TUBGCP5: variants seen among roughly 807,000 people sequenced by gnomAD.
The protein encoded by TUBGCP5 is gamma-tubulin complex component 5.
In TUBGCP5, 98 loss-of-function variants were observed where a neutral mutation model predicts 134.7. The observed-to-expected ratio is 0.73, with a 90% CI of 0.62 to 0.86. The LOEUF is 0.86. TUBGCP5 is among the 40% of genes least tolerant of loss of function. The pLI is 0.00. For synonymous variants in TUBGCP5, 456 were observed against 431.4 expected (o/e 1.06, Z -0.71); for missense variants, 1,150 against 1,244.8 (o/e 0.92, Z 1.15).
intron 6 of TUBGCP5, 87 bp from the exon 7 acceptor site, chr15:23,027,393 A>C (rs2066040922): frequency 9.6e-7 from 1 of 1,040,718 alleles, no homozygotes. Flanking sequence ...ATTCAAACGT[A>C]TAGTTGAAAA....
chr15:22,988,691 G>C (rs1043688759), intron 23 of TUBGCP5, among the ~76,000 whole-genome samples: 9 of 150,300 alleles, frequency 6.0e-5, no homozygotes, highest in Non-Finnish European at 1.3e-4. Flanking sequence ...AGCCGAGATC[G>C]CGTGACTGCA....
chr15:23,011,021 A>G, intron 14 of TUBGCP5, 112 bp downstream of exon 14: 3 of 979,136 alleles, frequency 3.1e-6, no homozygotes, highest in Non-Finnish European at 4.6e-6. Flanking sequence ...AAAAGAAAGG[A>G]TAGCCTACAA....
chr15:23,027,657 G>A (rs999546289), intron 6 of TUBGCP5, among the ~76,000 whole-genome samples: 1 of 151,926 alleles, frequency 6.6e-6, no homozygotes, highest in African/African-American at 2.4e-5. Flanking sequence ...GACACGAGAG[G>A]GGACTGGTTG....
At position 23,013,776 on chromosome 15, in the gene TUBGCP5, C is replaced by A. The variant is rs893166945; in HGVS notation, c.1757-2445G>T. On this transcript the variant is annotated intron_variant, in intron 13 of 22. Coordinates refer to ENST00000615383, the MANE Select transcript of TUBGCP5 (RefSeq NM_052903.6). The surrounding 1 kb of genome is among the most constrained non-coding windows in gnomAD (Gnocchi z 4.5). ...TTAGGGGCACAAGGTGTGCCTTCCC[C>A]ACCCACCCCTTTGAGCCAAGCTGTT... Among the ~76,000 whole-genome samples, 4 of 152,172 alleles carry A rather than the reference C, an allele frequency of 2.6e-5. No homozygotes were observed. Among genetic ancestry groups the A allele is most frequent in the Non-Finnish European group, 5.9e-5 (4 of 68,022 alleles).
chr15:23,018,748 A>C (rs1169914285), intron 12 of TUBGCP5, among the ~76,000 whole-genome samples: 1 of 152,164 alleles, frequency 6.6e-6, no homozygotes, highest in African/African-American at 2.4e-5. Context: ...CTGAAGGGAA[A>C]TTGTCATAAA....
chr15:23,031,949 CT>C lies in TUBGCP5; in HGVS notation c.486del (p.Asn163IlefsTer15). ...TCAATAGCAAAACTACTACCACTTA[CT>C]GGTGTGTCCATGTACGGACCAATGT... ...EMDIGPYMDT[P>X]NWSEESEEEN... On this transcript the variant is annotated frameshift_variant and splice_region_variant, in exon 5 of 23. Transcript: ENST00000615383. LOFTEE classifies it high-confidence loss of function. 6.2e-7 allele frequency: 1 copy of C among 1,601,394 alleles called. No homozygotes were observed. Among genetic ancestry groups the C allele is most frequent in the East Asian group, 2.2e-5 (1 of 44,750 alleles).
intron 3 of TUBGCP5, among the ~76,000 whole-genome samples, chr15:23,034,679 C>T (rs566409088): frequency 2.0e-5 from 3 of 151,660 alleles, no homozygotes; most frequent in East Asian, 2.0e-4. Flanking sequence ...GCCAACATGG[C>T]GAAACCTCAT....
At chr15:23,039,047 T>A (rs1278368409) in intron 1 of TUBGCP5, among the ~76,000 whole-genome samples, 1 of 151,112 alleles carries the variant, frequency 6.6e-6, no homozygotes, top group Non-Finnish European at 1.5e-5. Flanking sequence ...AAAAAAAAAA[T>A]TATAAACATG....
In TUBGCP5 at chr15:23,017,784, G is replaced by A; in HGVS notation, c.1745C>T (p.Ala582Val). The A allele has an allele frequency of 6.2e-7, 1 of 1,613,278 alleles. No individual in the cohort carries two copies. The highest frequency in any genetic ancestry group is 8.5e-7 in the Non-Finnish European group (1 of 1,179,440). ...GACGGAACAAGTACCTCTGGCTCCT[G>A]CCTGGCAGGTGGTGCTCTCCGCACA... ...LQCAESTTCQ[A>V]GARDAERKSL... Residue 582 changes from alanine (A) to valine (V), a missense_variant, in exon 13 of 23, where the codon GCA (alanine) becomes GTA (valine). Coordinates refer to ENST00000615383, the MANE Select transcript of TUBGCP5 (RefSeq NM_052903.6).
intron 3 of TUBGCP5, among the ~76,000 whole-genome samples, 164 bp from the exon 4 acceptor site, chr15:23,032,988 G>C (rs1203865400): frequency 2.0e-5 from 3 of 152,058 alleles, no homozygotes; most frequent in African/African-American, 7.2e-5. Context: ...CTTCTTCATA[G>C]CTCAAATGCA....
intron 11 of TUBGCP5, 193 bp from the exon 12 acceptor site, chr15:23,019,527 G>C: frequency 1.7e-6 from 1 of 574,526 alleles, no homozygotes. Context: ...GCCGGGCGTG[G>C]TGGCTCACGC....
In TUBGCP5 at chr15:23,033,692, A is replaced by G. The variant is rs185333406; in HGVS notation, c.310-868T>C. Among the ~76,000 whole-genome samples, 332 of 152,380 alleles carry G rather than the reference A, an allele frequency of 2.2e-3. 2 individuals carry two copies. The highest frequency in any genetic ancestry group is 0.014 in the South Asian group (70 of 4,830). On this transcript the variant is annotated intron_variant, in intron 3 of 22. Coordinates refer to ENST00000615383, the MANE Select transcript of TUBGCP5 (RefSeq NM_052903.6). ...GAAATAATGCCAAAATATATTCCAT[A>G]CAGGTAATACAAATATACATACGCA...
Position 23,004,243 on chromosome 15 carries a change from T to C in TUBGCP5, c.2713-16A>G, listed in dbSNP as rs549024479. 2.5e-6 allele frequency: 4 copies of C among 1,603,430 alleles called. No homozygotes were observed. In the South Asian group the frequency reaches 3.4e-5, roughly 14 times the overall value. On this transcript the variant is annotated splice_polypyrimidine_tract_variant and intron_variant, in intron 19 of 22. Transcript: ENST00000615383. Reference sequence around the variant, plus strand: ...TGTGTAGAATCTTGGAAGAGAAAGATAAAAAGCTTCATCAGCAGCCTTCTT... The same window carrying C: ...TGTGTAGAATCTTGGAAGAGAAAGACAAAAAGCTTCATCAGCAGCCTTCTT...
intron 7 of TUBGCP5, among the ~76,000 whole-genome samples, chr15:23,026,893 A>T (rs2066013836): frequency 6.6e-6 from 1 of 152,158 alleles, no homozygotes; most frequent in African/African-American, 2.4e-5. Flanking sequence ...TGATTACGCC[A>T]CTGCACTCCA....
chr15:22,998,391 C>T (rs983424830), downstream of TUBGCP5, among the ~76,000 whole-genome samples: 8 of 152,178 alleles, frequency 5.3e-5, no homozygotes, highest in Admixed American at 1.3e-4. Context: ...TTACATTTAT[C>T]GCTATCAGTT....
rs138633107 is a variant in TUBGCP5 at position 23,011,225 on chromosome 15, G to T, written c.1863C>A (p.Thr621=). The change falls in exon 14 of 23, where the codon ACC becomes ACA. Residue 621 remains threonine (T), a synonymous_variant. Coordinates refer to ENST00000615383, the MANE Select transcript of TUBGCP5 (RefSeq NM_052903.6). ...TPQVLTEQQA[T]KENLMKMQSI... Reference sequence around the variant, plus strand: ...ACTGCATCTTCATCAGGTTCTCCTTGGTTGCCTGTTGCTCAGTAAGAACCT... The same window carrying T: ...ACTGCATCTTCATCAGGTTCTCCTTTGTTGCCTGTTGCTCAGTAAGAACCT... 2.3e-5 allele frequency: 37 copies of T among 1,613,760 alleles called. No homozygotes were observed. Among genetic ancestry groups the T allele is most frequent in the Non-Finnish European group, 3.1e-5 (37 of 1,179,954 alleles).
chr15:22,989,416 A>G (rs1433737316), intron 23 of TUBGCP5, among the ~76,000 whole-genome samples: 1 of 152,236 alleles, frequency 6.6e-6, no homozygotes, highest in African/African-American at 2.4e-5. Flanking sequence ...TGTGTTTGAT[A>G]GAACAGCTGG....
intron 8 of TUBGCP5, among the ~76,000 whole-genome samples, 197 bp from the exon 9 acceptor site, chr15:23,025,027 C>T (rs1162481730): frequency 1.3e-5 from 2 of 152,008 alleles, no homozygotes; most frequent in African/African-American, 2.4e-5. Flanking sequence ...TCAGCCTCTC[C>T]AGCAGTTGGG....
intron 5 of TUBGCP5, 71 bp downstream of exon 5, chr15:23,031,879 A>G: frequency 1.6e-6 from 2 of 1,214,304 alleles, no homozygotes; most frequent in Non-Finnish European, 2.4e-6. Context: ...TAGGGTGGAA[A>G]GACCCATGAA....
Sources: allele counts gnomAD v4.1 joint callset (sites outside exome capture counted in the v4.1 genomes callset), GRCh38; gene constraint gnomAD v4.1.1; non-coding constraint Gnocchi (gnomAD v3.1); transcripts MANE v1.5; gene names NCBI Gene and HGNC (gene_info 2026-07-23, HGNC 2026-07-21).